Variants in RETREG3 observed in about 807,000 individuals in gnomAD.
RETREG3 encodes reticulophagy regulator family member 3.
In RETREG3, 23 loss-of-function variants were observed where a neutral mutation model predicts 50.2. The ratio of observed to expected loss-of-function variants is 0.46; its 90% confidence interval spans 0.33 to 0.65. The LOEUF (loss-of-function observed/expected upper bound fraction) is 0.65, where lower values mean the gene tolerates loss of function less well. Ranked by LOEUF, RETREG3 falls within the 30% of genes least tolerant of loss-of-function variation. RETREG3 has a pLI of 0.02. For missense variants in RETREG3, 546 were observed against 598.0 expected, an observed-to-expected ratio of 0.91 and a Z score of 0.91; for synonymous variants, 240 against 234.4, an observed-to-expected ratio of 1.02 and a Z score of -0.22.
At position 42,609,141 on chromosome 17, in the gene RETREG3, A is replaced by G. The variant is rs1315920089; in HGVS notation, c.184T>C (p.Trp62Arg). Residue 62 changes from tryptophan to arginine, a missense_variant, in exon 1 of 9, where the codon TGG (tryptophan) becomes CGG (arginine). Coordinates refer to ENST00000309428, the MANE Select transcript of RETREG3 (RefSeq NM_178126.4). ...AGAGCGCTCCTAGCTGGCCGCTCCC[A>G]CACCAGGGCTGCCTGCACCCGACTC... ...LLSRVQAALV[W>R]ERPARSALWC... 1.2e-6 allele frequency: 2 copies of G among 1,609,852 alleles called. No homozygotes were observed. The highest frequency in any genetic ancestry group is 1.7e-6 in the Non-Finnish European group (2 of 1,179,916).
At chr17:42,595,876 G>A (rs2093143299) in intron 1 of RETREG3, among the ~76,000 whole-genome samples, 1 of 150,046 alleles carries the variant, frequency 6.7e-6, no homozygotes, top group Non-Finnish European at 1.5e-5. Flanking sequence ...ACCCCAGGCT[G>A]GGAAACAGGG....
At chr17:42,608,712 A>C (rs1437671595) in intron 1 of RETREG3, 1 of 202,522 alleles carries the variant, frequency 4.9e-6, no homozygotes, top group Non-Finnish European at 9.9e-6. Flanking sequence ...AAACCTCTGG[A>C]AACAATCTAG....
chr17:42,581,963 G>T lies in RETREG3; in HGVS notation c.1251C>A (p.Gly417=). 1 of 1,614,104 alleles carries T rather than the reference G, an allele frequency of 6.2e-7. No homozygotes were observed. The highest frequency in any genetic ancestry group is 8.5e-7 in the Non-Finnish European group (1 of 1,180,034). ...QLALSGASQP[G]PSGAPAQRAT... is the part of the protein sequence containing the mutation. ...CTCTCTGGGCAGGTGCTCCAGAAGG[G>T]CCTGGTTGGGAGGCCCCTGACAAGG... The change falls in exon 9 of 9, where the codon GGC becomes GGA. Residue 417 remains glycine (G), a synonymous_variant. Coordinates refer to ENST00000309428, the MANE Select transcript of RETREG3 (RefSeq NM_178126.4).
intron 1 of RETREG3, among the ~76,000 whole-genome samples, chr17:42,605,588 A>T (rs2093166444): frequency 6.6e-6 from 1 of 152,236 alleles, no homozygotes; most frequent in Admixed American, 6.5e-5. Context: ...CAATTCTGTG[A>T]ACTCCAATGC....
At chr17:42,604,478 T>C (rs909302415) in intron 1 of RETREG3, among the ~76,000 whole-genome samples, 1 of 152,054 alleles carries the variant, frequency 6.6e-6, no homozygotes, top group African/African-American at 2.4e-5. Flanking sequence ...GAGACCAGCC[T>C]GGGCAACATA....
In RETREG3 at chr17:42,585,110, C is replaced by T; in HGVS notation, c.727+15G>A. 1 of 1,611,606 alleles carries T rather than the reference C, an allele frequency of 6.2e-7. No homozygotes were observed. The highest frequency in any genetic ancestry group is 1.7e-4 in the Middle Eastern group (1 of 6,060). ...CAAATTGCGTAAGTGGAAAGAATGA[C>T]ACCATGACACTTACATTGTCTCTCT... On this transcript the variant is annotated intron_variant, in intron 6 of 8. Coordinates refer to ENST00000309428, the MANE Select transcript of RETREG3 (RefSeq NM_178126.4).
Position 42,603,964 on chromosome 17 carries a change from G to A in RETREG3, c.239+5122C>T, listed in dbSNP as rs146126512. Among the ~76,000 whole-genome samples, 100 of 150,708 alleles carry A rather than the reference G, an allele frequency of 6.6e-4. 2 individuals carry two copies. The highest frequency in any genetic ancestry group is 2.4e-3 in the African/African-American group (97 of 41,098). On this transcript the variant is annotated intron_variant, in intron 1 of 8. Coordinates refer to ENST00000309428, the MANE Select transcript of RETREG3 (RefSeq NM_178126.4). ...TGTACTCCAGCCTGGGCGACAGAGC[G>A]AGACTCCGTCTCAAAAAAAAAAAAA...
chr17:42,599,968 TG>T (rs2093155545), intron 1 of RETREG3, among the ~76,000 whole-genome samples: 1 of 151,964 alleles, frequency 6.6e-6, no homozygotes, highest in African/African-American at 2.4e-5. Context: ...TACCCCAGCC[TG>T]GGTGACAGAG....
chr17:42,588,927 G>A (rs1330251631), intron 2 of RETREG3, among the ~76,000 whole-genome samples: 1 of 152,126 alleles, frequency 6.6e-6, no homozygotes. Context: ...TAAAGTGCTG[G>A]AATTACAGGT....
chr17:42,582,878 T>G, intron 7 of RETREG3, 72 bp from the exon 8 acceptor site: 1 of 1,582,412 alleles, frequency 6.3e-7, no homozygotes, highest in Non-Finnish European at 8.6e-7. Flanking sequence ...ACAGCTTTAC[T>G]AATCAGCTAG....
intron 1 of RETREG3, among the ~76,000 whole-genome samples, chr17:42,595,794 G>A (rs535682887): frequency 4.6e-4 from 69 of 149,618 alleles, no homozygotes; most frequent in Non-Finnish European, 8.4e-4. Flanking sequence ...CTGCCTCAGC[G>A]CGCTGAGGCA....
chr17:42,597,615 ATATATTTTTTTTTT>A (rs2093149743), intron 1 of RETREG3, among the ~76,000 whole-genome samples: 11 of 21,486 alleles, frequency 5.1e-4, no homozygotes, highest in South Asian at 4.0e-3. Context: ...ATATATATAT[ATATATTTTTTTTTT>A]TTTTTTTTTT....
chr17:42,583,633 C>A, intron 6 of RETREG3, 53 bp from the exon 7 acceptor site: 1 of 1,538,076 alleles, frequency 6.5e-7, no homozygotes. Flanking sequence ...CGTAAAATCC[C>A]CTTTGGACTT....
chr17:42,586,953 T>C, intron 3 of RETREG3, 62 bp from the exon 4 acceptor site: 1 of 1,594,424 alleles, frequency 6.3e-7, no homozygotes, highest in South Asian at 1.1e-5. Context: ...CATCTTGCTG[T>C]GCAGGCAGCC....
rs570020009 is a variant in RETREG3, at chr17:42,609,242, G to A, written c.83C>T (p.Ser28Phe). ...TFRGRRDVSG[S>F]WERDQQVEAA... ...CTCAACCTGCTGGTCCCGCTCCCAGGAGCCTGACACATCTCGGCGGCCCCT... is the reference window on the plus strand; with the variant it reads ...CTCAACCTGCTGGTCCCGCTCCCAGAAGCCTGACACATCTCGGCGGCCCCT... Residue 28 changes from serine (S) to phenylalanine (F), a missense_variant, in exon 1 of 9, where the codon TCC becomes TTC. Ser to Phe is a radical substitution (Grantham distance 155). Coordinates refer to ENST00000309428, the MANE Select transcript of RETREG3 (RefSeq NM_178126.4). The A allele has an allele frequency of 4.4e-6, 7 of 1,607,788 alleles. No homozygotes were observed. Among genetic ancestry groups the A allele is most frequent in the South Asian group, 1.1e-5 (1 of 91,076 alleles).
chr17:42,607,671 T>G (rs2093170651), intron 1 of RETREG3, among the ~76,000 whole-genome samples: 1 of 151,676 alleles, frequency 6.6e-6, no homozygotes, highest in Non-Finnish European at 1.5e-5. Flanking sequence ...CCGGTTGTGG[T>G]GGTTCATGCC....
At chr17:42,591,052 C>T (rs1873249671) in intron 2 of RETREG3, among the ~76,000 whole-genome samples, 1 of 152,186 alleles carries the variant, frequency 6.6e-6, no homozygotes, top group Non-Finnish European at 1.5e-5. Context: ...CTTTAATGAA[C>T]CTTCATCCTG....
rs371107972 is a variant in RETREG3 at position 42,581,833 on chromosome 17, C to G, written c.1381G>C (p.Ala461Pro). The G allele has an allele frequency of 3.8e-6, 6 of 1,589,980 alleles. No homozygotes were observed. In the African/African-American group the frequency reaches 8.1e-5, roughly 21 times the overall value. The change falls in exon 9 of 9, where the codon GCC becomes CCC. Residue 461 changes from alanine (A) to proline (P), a missense_variant. Transcript: ENST00000309428. Reference protein sequence around the residue: ...DQSELSQLDPASSRSH With the variant: ...DQSELSQLDPPSSRSH ...CTGCCTCAGTGGCTCCTAGAACTGGCAGGGTCCAGCTGACTCAGCTCCGAC... is the reference window on the plus strand; with the variant it reads ...CTGCCTCAGTGGCTCCTAGAACTGGGAGGGTCCAGCTGACTCAGCTCCGAC...
intron 1 of RETREG3, among the ~76,000 whole-genome samples, chr17:42,606,466 T>C (rs1378064498): frequency 6.6e-6 from 1 of 151,654 alleles, no homozygotes; most frequent in Non-Finnish European, 1.5e-5. Flanking sequence ...CCGGGCGTGG[T>C]GGCGCGTGCC....
Sources: gnomAD v4.1 joint callset for allele counts (sites outside exome capture counted in the v4.1 genomes callset) on GRCh38, gnomAD v4.1.1 for gene constraint, MANE v1.5 for transcripts, NCBI Gene and HGNC (gene_info 2026-07-23, HGNC 2026-07-21) for gene names.